The following SLC17A8 variants were observed in gnomAD, a reference collection of about 807,000 sequenced individuals.
SLC17A8 encodes vesicular glutamate transporter 3.
SLC17A8 carries 31 observed loss-of-function variants against 58.0 expected under a neutral mutation model. The ratio of observed to expected loss-of-function variants is 0.53; its 90% CI spans 0.40 to 0.72. The LOEUF (loss-of-function observed/expected upper bound fraction) is 0.72. Ranked by LOEUF, SLC17A8 falls within the 30% of genes least tolerant of loss-of-function variation. SLC17A8 has a pLI of 0.00. For missense variants in SLC17A8, 655 were observed against 727.8 expected (o/e 0.90, Z 1.15); for synonymous variants, 228 against 249.0 (o/e 0.92, Z 0.79).
At chr12:100,370,612 TAAAAAA>T (rs61103377) in intron 1 of SLC17A8, among the ~76,000 whole-genome samples, 66 of 127,166 alleles carry the variant, frequency 5.2e-4, no homozygotes, top group Middle Eastern at 4.2e-3. Context: ...ATCTAAATTC[TAAAAAA>T]AAAAAAAAAA....
rs1331623973 is a variant in SLC17A8, at chr12:100,387,682, T to A, written c.355-3319T>A. Among the ~76,000 whole-genome samples the A allele has an allele frequency of 3.3e-5, 5 of 152,294 alleles. No homozygotes were observed. In the East Asian group the frequency reaches 5.8e-4, roughly 18 times the overall value. On this transcript the variant is annotated intron_variant, in intron 2 of 11. Coordinates refer to ENST00000323346, the MANE Select transcript of SLC17A8 (RefSeq NM_139319.3). ...TGGATCTGGGCAAAGAAGTCTTGTC[T>A]CTCCTTAGTGAGAAAATTAAGTCTC...
Position 100,421,819 on chromosome 12 carries a change from G to A in SLC17A8, c.*1660G>A, listed in dbSNP as rs1952952332. 1 of 151,980 alleles carries A rather than the reference G, an allele frequency of 6.6e-6. No homozygotes were observed. Among genetic ancestry groups the A allele is most frequent in the Non-Finnish European group, 1.5e-5 (1 of 67,992 alleles). The allele number at this position is 151,980 out of a possible 1,614,324, so 9.4% of individuals were successfully genotyped here. ...TTTATGTCACTAGCATACAATTTATGTTAGTAGACATCTTTAAATCTCTTT... is the reference window on the plus strand; with the variant it reads ...TTTATGTCACTAGCATACAATTTATATTAGTAGACATCTTTAAATCTCTTT... On this transcript the variant is annotated 3_prime_UTR_variant, in exon 12 of 12. Transcript: ENST00000323346.
At chr12:100,418,298 T>G in intron 11 of SLC17A8, 142 bp downstream of exon 11, 2 of 988,362 alleles carry the variant, frequency 2.0e-6, no homozygotes, top group Non-Finnish European at 3.1e-6. Context: ...CTTTTTTTTT[T>G]CTTCCTTCTT....
At chr12:100,373,577 C>CTTTTT (rs11296057) in intron 1 of SLC17A8, among the ~76,000 whole-genome samples, 1 of 87,648 alleles carries the variant, frequency 1.1e-5, no homozygotes, top group Non-Finnish European at 2.1e-5. Flanking sequence ...AAATCAGTGA[C>CTTTTT]TTTTTTTTTT....
At chr12:100,383,233 A>C (rs1226719073) in intron 2 of SLC17A8, among the ~76,000 whole-genome samples, 2 of 152,228 alleles carry the variant, frequency 1.3e-5, no homozygotes, top group Non-Finnish European at 1.5e-5. Context: ...GTCTGCTCTG[A>C]GGCATATGGA....
intron 1 of SLC17A8, among the ~76,000 whole-genome samples, chr12:100,378,047 C>T (rs1219645611): frequency 6.6e-6 from 1 of 151,956 alleles, no homozygotes; most frequent in Non-Finnish European, 1.5e-5. Flanking sequence ...TCAGATAAGT[C>T]TAGTTATAAA....
chr12:100,419,603 T>C (rs1022314336), intron 11 of SLC17A8, among the ~76,000 whole-genome samples: 2 of 152,148 alleles, frequency 1.3e-5, no homozygotes, highest in Non-Finnish European at 2.9e-5. Context: ...TTCATATTCA[T>C]TGTTGTCTTA....
At chr12:100,391,344 G>A (rs917480885) in intron 3 of SLC17A8, among the ~76,000 whole-genome samples, 6 of 151,932 alleles carry the variant, frequency 3.9e-5, no homozygotes, top group African/African-American at 1.5e-4. Flanking sequence ...GAGTGCAGTG[G>A]TGTGATCTTG....
chr12:100,381,673 G>A (rs115881447), intron 2 of SLC17A8, among the ~76,000 whole-genome samples: 3,036 of 152,256 alleles, frequency 0.02, 29 homozygotes, highest in Non-Finnish European at 0.027. Context: ...TCCTGGAGAT[G>A]ACTAATGAAC....
chr12:100,385,419 A>C (rs557288343), intron 2 of SLC17A8, among the ~76,000 whole-genome samples: 1 of 152,052 alleles, frequency 6.6e-6, no homozygotes, highest in East Asian at 1.9e-4. Flanking sequence ...TATTTTAAAA[A>C]TAGAGACGAG....
intron 1 of SLC17A8, among the ~76,000 whole-genome samples, chr12:100,361,711 T>G (rs559191437): frequency 7.2e-5 from 11 of 152,224 alleles, no homozygotes; most frequent in Non-Finnish European, 1.3e-4. Flanking sequence ...CCTATAATCC[T>G]AGCATTTTGG....
rs1325072163 is a variant in SLC17A8, at chr12:100,385,316, G to A, written c.354+4363G>A. 2.1e-5 allele frequency among the ~76,000 whole-genome samples: 3 copies of A among 146,220 alleles called. No individual in the cohort carries two copies. In the Admixed American group the frequency reaches 2.1e-4, roughly 10 times the overall value. On this transcript the variant is annotated intron_variant, in intron 2 of 11. Transcript: ENST00000323346. ...CGGTGACATGATCTCAGCTCACTGC[G>A]ACCTCCACCTCCCCGGTTCAAGCGA...
intron 9 of SLC17A8, among the ~76,000 whole-genome samples, chr12:100,404,643 C>A (rs533697757): frequency 1.2e-4 from 19 of 152,150 alleles, no homozygotes; most frequent in Middle Eastern, 3.4e-3. Flanking sequence ...AATTGTGAAC[C>A]CCTACAATGT....
chr12:100,393,094 C>A (rs1196622641), intron 3 of SLC17A8, among the ~76,000 whole-genome samples: 1 of 152,152 alleles, frequency 6.6e-6, no homozygotes, highest in Non-Finnish European at 1.5e-5. Flanking sequence ...ACATCTATTT[C>A]TCCAAATTAC....
chr12:100,417,970 C>T, intron 10 of SLC17A8, 59 bp from the exon 11 acceptor site: 1 of 1,611,430 alleles, frequency 6.2e-7, no homozygotes. Context: ...GAGTATTTTC[C>T]AAAGCATATT....
At chr12:100,382,483 T>A (rs2135987460) in intron 2 of SLC17A8, among the ~76,000 whole-genome samples, 1 of 152,354 alleles carries the variant, frequency 6.6e-6, no homozygotes, top group Admixed American at 6.5e-5. Context: ...ACCCCATAAA[T>A]GCATGTTTCA....
rs373536532 is a variant in SLC17A8 at position 100,366,233 on chromosome 12, C to T, written c.101+8741C>T. Among the ~76,000 whole-genome samples the T allele has an allele frequency of 8.5e-5, 13 of 152,140 alleles. No individual in the cohort carries two copies. In the South Asian group the frequency reaches 2.7e-3, roughly 32 times the overall value. Reference sequence around the variant, plus strand: ...CAGGGATGACAGTTTTAAGGACTTCCATTTGACTTTTTTCTATTACAATAG... The same window carrying T: ...CAGGGATGACAGTTTTAAGGACTTCTATTTGACTTTTTTCTATTACAATAG... On this transcript the variant is annotated intron_variant, in intron 1 of 11. Transcript: ENST00000323346.
In SLC17A8 at chr12:100,401,732, T is replaced by G. The variant is rs373108579; in HGVS notation, c.677-45T>G. 2.5e-5 allele frequency: 36 copies of G among 1,441,834 alleles called. 1 individual carries two copies. The Middle Eastern group carries it at 5.2e-4, about 21-fold the overall frequency. 89.3% of individuals were successfully genotyped at this position (1,441,834 alleles called of 1,614,324 possible). The stretch of plus-strand genomic sequence containing the variant: ...TGAATTCTAAATGAGCTGAAAAGGC[T>G]TGCATGATGATTGGTCAGATTCCCT... On this transcript the variant is annotated intron_variant, in intron 5 of 11. Transcript: ENST00000323346.
chr12:100,389,720 A>C (rs1433510939), intron 2 of SLC17A8, among the ~76,000 whole-genome samples: 2 of 150,358 alleles, frequency 1.3e-5, no homozygotes, highest in African/African-American at 2.4e-5. Context: ...ACCTTGACCA[A>C]CTCCTGGGTT....
Sources: allele counts gnomAD v4.1 joint callset (sites outside exome capture counted in the v4.1 genomes callset), GRCh38; gene constraint gnomAD v4.1.1; transcripts MANE v1.5; gene names NCBI Gene and HGNC (gene_info 2026-07-23, HGNC 2026-07-21).